The following BRIP1 variants were observed in gnomAD, a reference collection of about 807,000 sequenced individuals.
BRIP1 encodes BRCA1 interacting DNA helicase 1, also known as Fanconi anemia group J protein.
Under a neutral mutation model 119.7 loss-of-function variants are expected in BRIP1, and 88 were observed. The observed-to-expected ratio is 0.74, with a 90% confidence interval of 0.62 to 0.88. The LOEUF is 0.88. BRIP1 is among the 40% of genes least tolerant of loss of function. The pLI is 0.00. For synonymous variants in BRIP1, 443 were observed against 496.5 expected, an observed-to-expected ratio of 0.89 and a Z score of 1.43; for missense variants, 1,259 against 1,455.4, an observed-to-expected ratio of 0.87 and a Z score of 2.20.
Position 61,760,123 on chromosome 17 carries a change from G to A in BRIP1, c.2098-15532C>T, listed in dbSNP as rs1164487929. On this transcript the variant is annotated intron_variant, in intron 14 of 19. Transcript: ENST00000259008. This position sits in a 1 kb window ranked among gnomAD's most constrained non-coding sequence, Gnocchi z 4.6. ...GCCACAATGGTATAAAACTAGAAAT[G>A]AGTAACAGGAAAATTTGGGAAAATT... is the stretch of plus-strand genomic sequence containing the variant. Among the ~76,000 whole-genome samples, 1 of 151,768 alleles carries A rather than the reference G, an allele frequency of 6.6e-6. No individual in the cohort carries two copies. Among genetic ancestry groups the A allele is most frequent in the East Asian group, 1.9e-4 (1 of 5,198 alleles).
chr17:61,722,854 C>A lies in BRIP1; in HGVS notation c.2380-6791G>T, dbSNP rs898545229. 1.1e-4 allele frequency among the ~76,000 whole-genome samples: 16 copies of A among 152,134 alleles called. No individual in the cohort carries two copies. The highest frequency in any genetic ancestry group is 3.9e-4 in the African/African-American group (16 of 41,440). On this transcript the variant is annotated intron_variant, in intron 16 of 19. Transcript: ENST00000259008. This position sits in a 1 kb window ranked among gnomAD's most constrained non-coding sequence, Gnocchi z 4.6. ...ATTGCAAATTTTCAAACACCTTTTA[C>A]ACTCCAAATGGCCTTTAAAATACTG...
intron 17 of BRIP1, among the ~76,000 whole-genome samples, chr17:61,715,372 A>AT (rs906430615): frequency 1.2e-4 from 18 of 151,348 alleles, no homozygotes; most frequent in Admixed American, 2.0e-4. Flanking sequence ...AATGAAAATG[A>AT]TTTTTTTTTC....
chr17:61,722,194 A>C lies in BRIP1; in HGVS notation c.2380-6131T>G, dbSNP rs778904302. On this transcript the variant is annotated intron_variant, in intron 16 of 19. Coordinates refer to ENST00000259008, the MANE Select transcript of BRIP1 (RefSeq NM_032043.3). The surrounding 1 kb of genome is among the most constrained non-coding windows in gnomAD (Gnocchi z 4.6). Reference sequence around the variant, plus strand: ...GTAGCTGGGACTACAGGTGCATGCCACCATGCCCAGCTATTCTTTTGTATT... The same window carrying C: ...GTAGCTGGGACTACAGGTGCATGCCCCCATGCCCAGCTATTCTTTTGTATT... 6.6e-6 allele frequency among the ~76,000 whole-genome samples: 1 copy of C among 151,968 alleles called. No individual in the cohort carries two copies. The highest frequency in any genetic ancestry group is 1.5e-5 in the Non-Finnish European group (1 of 67,984).
At position 61,823,484 on chromosome 17, in the gene BRIP1, CA is replaced by C. The variant is rs1370497323; in HGVS notation, c.628-14728del. Among the ~76,000 whole-genome samples the C allele has an allele frequency of 6.6e-6, 1 of 151,934 alleles. No homozygotes were observed. Among genetic ancestry groups the C allele is most frequent in the Admixed American group, 6.6e-5 (1 of 15,262 alleles). ...AAAATCCACTAGTAAGATTTAACAC[CA>C]AATTAGAAATAGCAGAAGAGATCAA... is the stretch of plus-strand genomic sequence containing the variant. On this transcript the variant is annotated intron_variant, in intron 6 of 19. Transcript: ENST00000259008. The surrounding 1 kb of genome is among the most constrained non-coding windows in gnomAD (Gnocchi z 4.8).
chr17:61,683,468 G>A lies in BRIP1; in HGVS notation c.3578C>T (p.Thr1193Ile), dbSNP rs1368343911. ...AATATGCAGAATTCCATTCAACTTT[G>A]TATCTATGCAATCCTCAGCTTTCAC... is the stretch of plus-strand genomic sequence containing the variant. ...REVKAEDCID[T>I]KLNGILHIEE... Residue 1193 changes from threonine to isoleucine, a missense_variant, in exon 20 of 20, where the codon ACA becomes ATA. Transcript: ENST00000259008. This position sits in a 1 kb window ranked among gnomAD's most constrained non-coding sequence, Gnocchi z 4.7. 1 of 1,613,166 alleles carries A rather than the reference G, an allele frequency of 6.2e-7. No homozygotes were observed. Among genetic ancestry groups the A allele is most frequent in the African/African-American group, 1.3e-5 (1 of 74,882 alleles).
In BRIP1 at chr17:61,798,188, T is replaced by A. The variant is rs373320874; in HGVS notation, c.1340+912A>T. Among the ~76,000 whole-genome samples, 2 of 152,102 alleles carry A rather than the reference T, an allele frequency of 1.3e-5. No individual in the cohort carries two copies. On this transcript the variant is annotated intron_variant, in intron 9 of 19. Transcript: ENST00000259008. The surrounding 1 kb of genome is among the most constrained non-coding windows in gnomAD (Gnocchi z 5.5). ...AATAAACTATTGCATATCTATCTAA[T>A]GGAATTCTAGATATCTATTTTTTTT... is the stretch of plus-strand genomic sequence containing the variant.
chr17:61,777,687 G>A (rs940807530), intron 13 of BRIP1, among the ~76,000 whole-genome samples: 11 of 152,142 alleles, frequency 7.2e-5, no homozygotes, highest in African/African-American at 2.4e-4. Context: ...GTGGGAAGGG[G>A]CTCAGAGCTT....
At position 61,705,444 on chromosome 17, in the gene BRIP1, T is replaced by C. The variant is rs2061677970; in HGVS notation, c.2492+10507A>G. On this transcript the variant is annotated intron_variant, in intron 17 of 19. Coordinates refer to ENST00000259008, the MANE Select transcript of BRIP1 (RefSeq NM_032043.3). The surrounding 1 kb of genome is among the most constrained non-coding windows in gnomAD (Gnocchi z 5.0). The stretch of plus-strand genomic sequence containing the variant: ...TTTGGCAGAATGATTTATTTTCCTT[T>C]GGGCATATAACCAGTAATGGGATTG... 6.6e-6 allele frequency among the ~76,000 whole-genome samples: 1 copy of C among 152,204 alleles called. No homozygotes were observed. The highest frequency in any genetic ancestry group is 2.4e-5 in the African/African-American group (1 of 41,460).
At position 61,686,210 on chromosome 17, in the gene BRIP1, T is replaced by C; in HGVS notation, c.2576-45A>G. The C allele has an allele frequency of 1.3e-6, 2 of 1,534,156 alleles. No individual in the cohort carries two copies. On this transcript the variant is annotated intron_variant, in intron 18 of 19. Transcript: ENST00000259008. This position sits in a 1 kb window ranked among gnomAD's most constrained non-coding sequence, Gnocchi z 5.4. ...CAGGGAAAATTTGGTTACTTAGTTA[T>C]TAAAATATTACATGCTAAGGTAATA... is the stretch of plus-strand genomic sequence containing the variant.
intron 3 of BRIP1, among the ~76,000 whole-genome samples, 173 bp downstream of exon 3, chr17:61,859,623 T>C (rs188362746): frequency 2.6e-5 from 4 of 152,348 alleles, no homozygotes; most frequent in Admixed American, 2.0e-4. Context: ...TAATTAAACA[T>C]ATTTTGCTAT....
At chr17:61,747,827 C>G (rs1431971751) in intron 14 of BRIP1, among the ~76,000 whole-genome samples, 1 of 151,998 alleles carries the variant, frequency 6.6e-6, no homozygotes. Context: ...CCTCAAACTC[C>G]TGGGCTCAAG....
rs2061820392 is a variant in BRIP1, at chr17:61,713,993, A to G, written c.2492+1958T>C. 6.6e-6 allele frequency among the ~76,000 whole-genome samples: 1 copy of G among 152,046 alleles called. No individual in the cohort carries two copies. The highest frequency in any genetic ancestry group is 2.4e-5 in the African/African-American group (1 of 41,440). On this transcript the variant is annotated intron_variant, in intron 17 of 19. Transcript: ENST00000259008. This position sits in a 1 kb window ranked among gnomAD's most constrained non-coding sequence, Gnocchi z 4.9. ...TCAAAAAGGTAAAAAAAAAGATAAA[A>G]AGATAAAAAGTTTATAAAGTAAAAA...
rs2076753984 is a variant in BRIP1 at position 61,725,460 on chromosome 17, A to G, written c.2380-9397T>C. On this transcript the variant is annotated intron_variant, in intron 16 of 19. Transcript: ENST00000259008. The surrounding 1 kb of genome is among the most constrained non-coding windows in gnomAD (Gnocchi z 5.3). ...CCTGGATATTTCAAATTTAAGAAAT[A>G]GAACAAAATATATCCCTCTGAAATC... Among the ~76,000 whole-genome samples the G allele has an allele frequency of 6.6e-6, 1 of 152,210 alleles. No homozygotes were observed. Among genetic ancestry groups the G allele is most frequent in the African/African-American group, 2.4e-5 (1 of 41,466 alleles).
In BRIP1 at chr17:61,683,710, A is replaced by T. The variant is rs369843642; in HGVS notation, c.3336T>A (p.Asp1112Glu). 4 of 1,613,990 alleles carry T rather than the reference A, an allele frequency of 2.5e-6. No homozygotes were observed. The highest frequency in any genetic ancestry group is 3.4e-6 in the Non-Finnish European group (4 of 1,179,964). ...AATCTCTATTTGAAGTGGACTGTTTATCTTCTTCACTTACTAGAGACAATT... is the reference window on the plus strand; with the variant it reads ...AATCTCTATTTGAAGTGGACTGTTTTTCTTCTTCACTTACTAGAGACAATT... ...DIELSLVSEE[D>E]KQSTSNRDFE... The change falls in exon 20 of 20, where the codon GAT becomes GAA. Residue 1112 changes from aspartate to glutamate, a missense_variant. Transcript: ENST00000259008. The surrounding 1 kb of genome is among the most constrained non-coding windows in gnomAD (Gnocchi z 4.7).
rs1603342421 is a variant in BRIP1, at chr17:61,799,384, C to T, written c.1141-85G>A. 1.9e-6 allele frequency: 2 copies of T among 1,046,378 alleles called. No homozygotes were observed. Among genetic ancestry groups the T allele is most frequent in the Admixed American group, 4.4e-5 (2 of 45,908 alleles). 64.8% of individuals were successfully genotyped at this position (1,046,378 alleles called of 1,614,324 possible). A position where few individuals can be genotyped will look rare whatever the true frequency, so the allele number is the denominator to read the frequency against. On this transcript the variant is annotated intron_variant, in intron 8 of 19. Coordinates refer to ENST00000259008, the MANE Select transcript of BRIP1 (RefSeq NM_032043.3). This position sits in a 1 kb window ranked among gnomAD's most constrained non-coding sequence, Gnocchi z 5.1. ...GCAAGATATTTCATTTTAAAATTCA[C>T]ACTATAGGCCAATATTGCAAATGCA...
At position 61,701,131 on chromosome 17, in the gene BRIP1, G is replaced by A. The variant is rs1248504491; in HGVS notation, c.2493-7619C>T. On this transcript the variant is annotated intron_variant, in intron 17 of 19. Coordinates refer to ENST00000259008, the MANE Select transcript of BRIP1 (RefSeq NM_032043.3). This position sits in a 1 kb window ranked among gnomAD's most constrained non-coding sequence, Gnocchi z 5.1. ...GCTTTCTCTCCTAAGGCATAGCTTT[G>A]TCTACTAAGACAAATGTCTGGGTTT... 2.6e-5 allele frequency among the ~76,000 whole-genome samples: 4 copies of A among 152,130 alleles called. No individual in the cohort carries two copies. The highest frequency in any genetic ancestry group is 9.7e-5 in the African/African-American group (4 of 41,438).
rs2061691835 is a variant in BRIP1, at chr17:61,706,473, A to G, written c.2492+9478T>C. On this transcript the variant is annotated intron_variant, in intron 17 of 19. Transcript: ENST00000259008. The surrounding 1 kb of genome is among the most constrained non-coding windows in gnomAD (Gnocchi z 5.7). ...CATAGTTTTATGTTTTCAATGAAAAACATAACTGTCCTTTCCCTACCCACC... is the reference window on the plus strand; with the variant it reads ...CATAGTTTTATGTTTTCAATGAAAAGCATAACTGTCCTTTCCCTACCCACC... Among the ~76,000 whole-genome samples the G allele has an allele frequency of 6.6e-6, 1 of 152,158 alleles. No homozygotes were observed. Among genetic ancestry groups the G allele is most frequent in the Non-Finnish European group, 1.5e-5 (1 of 68,002 alleles).
At chr17:61,836,494 T>TA (rs1162663816) in intron 6 of BRIP1, among the ~76,000 whole-genome samples, 1 of 152,138 alleles carries the variant, frequency 6.6e-6, no homozygotes, top group Non-Finnish European at 1.5e-5. Flanking sequence ...AGGATCTGAG[T>TA]AAAAATTGTA....
In BRIP1 at chr17:61,807,988, T is replaced by G. The variant is rs575359658; in HGVS notation, c.918+479A>C. Reference sequence around the variant, plus strand: ...GTATAACTTTTAAAAGAGGGGTTTGTATTTATCAGAATTATGAGGTGGGAT... The same window carrying G: ...GTATAACTTTTAAAAGAGGGGTTTGGATTTATCAGAATTATGAGGTGGGAT... On this transcript the variant is annotated intron_variant, in intron 7 of 19. Transcript: ENST00000259008. The surrounding 1 kb of genome is among the most constrained non-coding windows in gnomAD (Gnocchi z 4.5). 2.0e-3 allele frequency among the ~76,000 whole-genome samples: 298 copies of G among 152,262 alleles called. 1 individual carries two copies. The highest frequency in any genetic ancestry group is 3.1e-3 in the Non-Finnish European group (213 of 67,984).
Sources: gnomAD v4.1 joint callset for allele counts (sites outside exome capture counted in the v4.1 genomes callset) on GRCh38, gnomAD v4.1.1 for gene constraint, Gnocchi (gnomAD v3.1) non-coding constraint, MANE v1.5 for transcripts, NCBI Gene and HGNC (gene_info 2026-07-23, HGNC 2026-07-21) for gene names.